Variants in FOXP2 observed in about 807,000 individuals in gnomAD.
The protein encoded by FOXP2 is forkhead box protein P2.
A neutral mutation model predicts 115.8 loss-of-function variants in FOXP2; 12 were observed. That is an observed-to-expected ratio of 0.10 (90% CI 0.07 to 0.17). The LOEUF (loss-of-function observed/expected upper bound fraction) is 0.17, where lower values mean the gene tolerates loss of function less well. Among genes scored for constraint, FOXP2 ranks in the 10% least tolerant of loss-of-function variants. The pLI is 1.00. For missense variants in FOXP2, 629 were observed against 843.5 expected (o/e 0.75, Z 3.15); for synonymous variants, 328 against 297.7 (o/e 1.10, Z -1.05).
At chr7:114,158,560 CA>C (rs1792733768), upstream of FOXP2, among the ~76,000 whole-genome samples, 1 of 152,032 alleles carries the variant, frequency 6.6e-6, no homozygotes, top group African/African-American at 2.4e-5. Flanking sequence ...GAGACTTTGC[CA>C]TAGTACCATG....
intron 2 of FOXP2, among the ~76,000 whole-genome samples, chr7:114,299,335 C>G (rs2129178027): frequency 6.6e-6 from 1 of 152,018 alleles, no homozygotes; most frequent in South Asian, 2.1e-4. Context: ...TTTTTCTTTG[C>G]TAACAGAACC....
At chr7:114,417,071 G>A (rs958826284) in intron 1 of FOXP2, among the ~76,000 whole-genome samples, 1 of 151,806 alleles carries the variant, frequency 6.6e-6, no homozygotes, top group Non-Finnish European at 1.5e-5. Flanking sequence ...GCTATTGTGG[G>A]CATATTATTA....
intron 6 of FOXP2, among the ~76,000 whole-genome samples, chr7:114,636,663 G>A (rs1288550051): frequency 1.1e-4 from 16 of 148,998 alleles, no homozygotes; most frequent in Non-Finnish European, 7.4e-5. Flanking sequence ...CTGCCAAGGA[G>A]ATTTTTTACT....
At chr7:114,464,778 A>G (rs999367489) in intron 2 of FOXP2, among the ~76,000 whole-genome samples, 1 of 152,238 alleles carries the variant, frequency 6.6e-6, no homozygotes, top group Admixed American at 6.5e-5. Context: ...ATTCATGGCT[A>G]TATGGTTTTA....
intron 2 of FOXP2, among the ~76,000 whole-genome samples, chr7:114,527,636 G>T (rs1464030571): frequency 6.6e-6 from 1 of 152,080 alleles, no homozygotes; most frequent in African/African-American, 2.4e-5. Context: ...GTCTACTAAA[G>T]AAATCTTCTC....
At chr7:114,399,451 G>A (rs1245927781) in intron 2 of FOXP2, among the ~76,000 whole-genome samples, 2 of 151,992 alleles carry the variant, frequency 1.3e-5, no homozygotes, top group Non-Finnish European at 2.9e-5. Flanking sequence ...TTTCTGACTG[G>A]CTTACAAGAA....
intron 1 of FOXP2, among the ~76,000 whole-genome samples, chr7:114,163,931 C>T (rs1022676774): frequency 7.2e-5 from 11 of 152,136 alleles, no homozygotes; most frequent in Admixed American, 1.3e-4. Flanking sequence ...CTCAATGATA[C>T]ATATTGTTTG....
chr7:114,618,172 C>G lies in FOXP2; in HGVS notation c.259-10368C>G, dbSNP rs140707697. Among the ~76,000 whole-genome samples, 1,268 of 152,310 alleles carry G rather than the reference C, an allele frequency of 8.3e-3. 12 individuals are homozygous for G. Among genetic ancestry groups the G allele is most frequent in the Non-Finnish European group, 0.013 (902 of 68,028 alleles). ...GCAGTCTAATCATGCATTTACTCAC[C>G]TTCCCCTCTACCACCAGAAGTTAGC... On this transcript the variant is annotated intron_variant, in intron 3 of 16. Coordinates refer to ENST00000350908, the MANE Select transcript of FOXP2 (RefSeq NM_014491.4).
chr7:114,480,145 G>A (rs866588559), intron 2 of FOXP2, among the ~76,000 whole-genome samples: 28 of 151,344 alleles, frequency 1.9e-4, no homozygotes, highest in Admixed American at 9.9e-4. Flanking sequence ...AGCTAGAAAA[G>A]GTTGGTAACC....
intron 1 of FOXP2, among the ~76,000 whole-genome samples, chr7:114,234,913 C>T (rs1308779137): frequency 6.6e-6 from 1 of 152,136 alleles, no homozygotes; most frequent in Admixed American, 6.5e-5. Context: ...TAGTCATCTC[C>T]AGTTAAAGGC....
chr7:114,319,547 A>G (rs545018069), intron 2 of FOXP2, among the ~76,000 whole-genome samples: 1 of 152,158 alleles, frequency 6.6e-6, no homozygotes, highest in Non-Finnish European at 1.5e-5. Context: ...GCAGCAGGCA[A>G]AGAGAGAGCG....
intron 1 of FOXP2, among the ~76,000 whole-genome samples, chr7:114,150,544 T>C (rs1016462070): frequency 2.6e-5 from 4 of 152,098 alleles, no homozygotes; most frequent in African/African-American, 9.6e-5. Flanking sequence ...TGATAGTACA[T>C]ACAGTGCTAC....
intron 2 of FOXP2, among the ~76,000 whole-genome samples, chr7:114,403,600 A>G (rs569882181): frequency 2.0e-5 from 3 of 152,192 alleles, no homozygotes; most frequent in South Asian, 4.1e-4. Context: ...GGAATAGTCT[A>G]TAAGAAATAC....
chr7:114,107,021 T>C lies in FOXP2; in HGVS notation c.-247+19183T>C, dbSNP rs369532953. Among the ~76,000 whole-genome samples, 6 of 152,022 alleles carry C rather than the reference T, an allele frequency of 3.9e-5. No homozygotes were observed. The East Asian group carries it at 7.7e-4, about 20-fold the overall frequency. On this transcript the variant is annotated intron_variant, in intron 1 of 19. Coordinates refer to the FOXP2 transcript ENST00000635638. The stretch of plus-strand genomic sequence containing the variant: ...TCTGTGTGTCATTTTGACTCTCTTA[T>C]TAGTATTCGTCTTGTATTCCAGTAA...
chr7:114,422,751 C>T (rs148981136), intron 1 of FOXP2, among the ~76,000 whole-genome samples: 26 of 151,588 alleles, frequency 1.7e-4, no homozygotes, highest in East Asian at 1.4e-3. Context: ...AACATTGCTG[C>T]GAATACGGAA....
chr7:114,383,519 C>T (rs1020934204), intron 2 of FOXP2, among the ~76,000 whole-genome samples: 2 of 152,056 alleles, frequency 1.3e-5, no homozygotes, highest in African/African-American at 2.4e-5. Flanking sequence ...TACATAATTG[C>T]GAGTTGTCTC....
chr7:114,409,646 G>A (rs188911297), upstream of FOXP2, among the ~76,000 whole-genome samples: 1 of 151,892 alleles, frequency 6.6e-6, no homozygotes, highest in Non-Finnish European at 1.5e-5. Flanking sequence ...ATTTTTCTCT[G>A]CCTCAGTTTC....
chr7:114,090,292 T>C (rs1318723127), intron 1 of FOXP2, among the ~76,000 whole-genome samples: 1 of 151,924 alleles, frequency 6.6e-6, no homozygotes, highest in Admixed American at 6.5e-5. Flanking sequence ...GTGTCAATTT[T>C]ATTACAATTG....
chr7:114,573,001 C>G (rs1043048255), intron 3 of FOXP2, among the ~76,000 whole-genome samples: 2 of 151,776 alleles, frequency 1.3e-5, no homozygotes, highest in African/African-American at 4.8e-5. Context: ...TGAGGTTCTT[C>G]CATGTGTCTG....
Sources: gnomAD v4.1 joint callset for allele counts (sites outside exome capture counted in the v4.1 genomes callset) on GRCh38, gnomAD v4.1.1 for gene constraint, MANE v1.5 for transcripts, NCBI Gene and HGNC (gene_info 2026-07-23, HGNC 2026-07-21) for gene names.